The following MAT2A variants were observed in gnomAD, a reference collection of about 807,000 sequenced individuals.
The protein encoded by MAT2A is methionine adenosyltransferase 2A.
In MAT2A, 3 loss-of-function variants were observed where a neutral mutation model predicts 43.9. The observed-to-expected ratio is 0.07, with a 90% confidence interval of 0.03 to 0.18. The LOEUF (loss-of-function observed/expected upper bound fraction) is 0.18, where lower values mean the gene tolerates loss of function less well. Ranked by LOEUF, MAT2A falls within the 10% of genes least tolerant of loss-of-function variation. The pLI, the probability that MAT2A is intolerant of heterozygous loss-of-function variation, is 1.00. For missense variants in MAT2A, 204 were observed against 489.0 expected (o/e 0.42, Z 5.50); for synonymous variants, 200 against 168.4 (o/e 1.19, Z -1.45).
chr2:85,539,952 A>C (rs1018754928), intron 1 of MAT2A: 1 of 152,514 alleles, frequency 6.6e-6, no homozygotes, highest in Admixed American at 6.5e-5. Context: ...TTGACTACAC[A>C]CTGGAGAATA....
In MAT2A at chr2:85,545,175, A is replaced by T. The variant is rs1691596874; in HGVS notation, c.*1403A>T. 6.6e-6 allele frequency: 1 copy of T among 152,652 alleles called. No homozygotes were observed. The highest frequency in any genetic ancestry group is 1.5e-5 in the Non-Finnish European group (1 of 68,036). The allele number at this position is 152,652 out of a possible 1,614,324, so 9.5% of individuals were successfully genotyped here. On this transcript the variant is annotated 3_prime_UTR_variant, in exon 9 of 9. Transcript: ENST00000306434. ...TATTCCATGACTGCTTGCCCTAAGC[A>T]GAAAGTGCCTTTCAGGATCTATTTT...
intron 8 of MAT2A, 77 bp downstream of exon 8, chr2:85,543,111 G>A: frequency 1.4e-6 from 2 of 1,446,012 alleles, no homozygotes; most frequent in Non-Finnish European, 1.9e-6. Flanking sequence ...GGCTGAGGAG[G>A]TGAAGGTGTG....
chr2:85,540,307 T>TATC (rs1309440264), intron 1 of MAT2A, among the ~76,000 whole-genome samples: 1 of 152,188 alleles, frequency 6.6e-6, no homozygotes, highest in Non-Finnish European at 1.5e-5. Flanking sequence ...CCGCAGTAGT[T>TATC]ATCTATCTGG....
chr2:85,542,811 T>C (rs1691512213), intron 7 of MAT2A, 64 bp downstream of exon 7: 3 of 1,522,378 alleles, frequency 2.0e-6, no homozygotes, highest in African/African-American at 2.8e-5. Flanking sequence ...TTAGTAGTAA[T>C]CTACTTAACT....
At chr2:85,540,173 G>T (rs1254203543) in intron 1 of MAT2A, among the ~76,000 whole-genome samples, 1 of 152,204 alleles carries the variant, frequency 6.6e-6, no homozygotes, top group African/African-American at 2.4e-5. Context: ...GCCATTATGG[G>T]GATCAATTGG....
At position 85,542,567 on chromosome 2, in the gene MAT2A, T is replaced by G; in HGVS notation, c.771T>G (p.Gly257=). The change falls in exon 7 of 9, where the codon GGT becomes GGG. Residue 257 remains glycine, a splice_region_variant and synonymous_variant. Coordinates refer to ENST00000306434, the MANE Select transcript of MAT2A (RefSeq NM_005911.6). ...TAACTTAAATCCTGTAATTTCAGGG[T>G]GATGCTGGTTTGACTGGACGCAAAA... ...SGRFVIGGPQ[G]DAGLTGRKII... 1 of 1,613,574 alleles carries G rather than the reference T, an allele frequency of 6.2e-7. No individual in the cohort carries two copies. The highest frequency in any genetic ancestry group is 8.5e-7 in the Non-Finnish European group (1 of 1,179,672).
chr2:85,545,004 C>T lies in MAT2A; in HGVS notation c.*1232C>T, dbSNP rs1282699198. On this transcript the variant is annotated 3_prime_UTR_variant, in exon 9 of 9. Transcript: ENST00000306434. ...ATGTTTCCAGCATTCCCAGGTAGGCCAAGGTGTCCTACAGAAAAACCTTGG... is the reference window on the plus strand; with the variant it reads ...ATGTTTCCAGCATTCCCAGGTAGGCTAAGGTGTCCTACAGAAAAACCTTGG... 1.3e-5 allele frequency: 2 copies of T among 152,262 alleles called. No individual in the cohort carries two copies. The highest frequency in any genetic ancestry group is 2.9e-5 in the Non-Finnish European group (2 of 68,004). 9.4% of individuals were successfully genotyped at this position (152,262 alleles called of 1,614,324 possible).
chr2:85,540,363 A>C (rs1691442301), intron 1 of MAT2A, among the ~76,000 whole-genome samples: 2 of 152,310 alleles, frequency 1.3e-5, no homozygotes, highest in South Asian at 2.1e-4. Flanking sequence ...ATGAAATCCC[A>C]CAAGTAACTT....
chr2:85,541,897 C>G lies in MAT2A; in HGVS notation c.474C>G (p.His158Gln). ...TGCCTTTAACCATTGTCTTGGCACA[C>G]AAGCTAAATGCCAAACTGGCAGAAC... is the stretch of plus-strand genomic sequence containing the variant. ...ECMPLTIVLA[H>Q]KLNAKLAELR... The change falls in exon 5 of 9, where the codon CAC (histidine) becomes CAG (glutamine). Residue 158 changes from histidine to glutamine, a missense_variant. His to Gln is a conservative substitution (Grantham distance 24). Transcript: ENST00000306434. 1 of 1,614,240 alleles carries G rather than the reference C, an allele frequency of 6.2e-7. No homozygotes were observed. The highest frequency in any genetic ancestry group is 8.5e-7 in the Non-Finnish European group (1 of 1,180,018).
At chr2:85,541,456 A>G (rs920475926) in intron 3 of MAT2A, 79 bp downstream of exon 3, 13 of 1,523,072 alleles carry the variant, frequency 8.5e-6, no homozygotes, top group African/African-American at 1.4e-5. Flanking sequence ...TGTTCCTGCT[A>G]ATCCTAAACT....
chr2:85,544,093 GTCATAAT>G lies in MAT2A; in HGVS notation c.*323_*329del, dbSNP rs796159921. On this transcript the variant is annotated 3_prime_UTR_variant, in exon 9 of 9. Transcript: ENST00000306434. Reference sequence around the variant, plus strand: ...GTGCCCTATCACCCAACGCTCCAAAGTCATAATTGCATTGACTTTCCCCACCAGATGC... The same window carrying G: ...GTGCCCTATCACCCAACGCTCCAAAGTGCATTGACTTTCCCCACCAGATGC... 1.1e-4 allele frequency: 20 copies of G among 189,050 alleles called. 1 individual carries two copies. In the South Asian group the frequency reaches 2.6e-3, roughly 24 times the overall value. The allele number at this position is 189,050 out of a possible 1,614,324, so 11.7% of individuals were successfully genotyped here. A position where few individuals can be genotyped will look rare whatever the true frequency, so the allele number is the denominator to read the frequency against.
Position 85,539,337 on chromosome 2 carries a change from C to A in MAT2A, c.50C>A (p.Thr17Lys). The A allele has an allele frequency of 6.2e-7, 1 of 1,606,760 alleles. No individual in the cohort carries two copies. The highest frequency in any genetic ancestry group is 1.1e-5 in the South Asian group (1 of 90,196). The change falls in exon 1 of 9, where the codon ACA becomes AAA. Residue 17 changes from threonine to lysine, a missense_variant. By Grantham distance (78) the Thr-to-Lys change is moderately conservative (BLOSUM62 -1). Transcript: ENST00000306434. ...CACGAGGCGTTCATCGAGGAGGGCACATTCCTTTTCACCTCAGAGTCGGTC... is the reference window on the plus strand; with the variant it reads ...CACGAGGCGTTCATCGAGGAGGGCAAATTCCTTTTCACCTCAGAGTCGGTC... Reference protein sequence around the residue: ...GFHEAFIEEGTFLFTSESVGE... With the variant: ...GFHEAFIEEGKFLFTSESVGE...
chr2:85,541,939 T>G lies in MAT2A; in HGVS notation c.516T>G (p.Thr172=), dbSNP rs1691485410. 1 of 1,614,242 alleles carries G rather than the reference T, an allele frequency of 6.2e-7. No individual in the cohort carries two copies. The highest frequency in any genetic ancestry group is 1.3e-5 in the African/African-American group (1 of 75,078). ...TGGCAGAACTACGCCGTAATGGCAC[T>G]TTGCCTTGGTTACGCCCTGATTCTA... The part of the protein sequence containing the change: ...AKLAELRRNG[T]LPWLRPDSKT... The change falls in exon 5 of 9, where the codon ACT becomes ACG. Residue 172 remains threonine, a synonymous_variant. Transcript: ENST00000306434.
rs200898618 is a variant in MAT2A at position 85,541,072 on chromosome 2, C to G, written c.92-11C>G. 11 of 1,601,138 alleles carry G rather than the reference C, an allele frequency of 6.9e-6. No individual in the cohort carries two copies. In the East Asian group the frequency reaches 2.2e-4, roughly 33 times the overall value. On this transcript the variant is annotated splice_polypyrimidine_tract_variant and intron_variant, in intron 1 of 8. Transcript: ENST00000306434. The stretch of plus-strand genomic sequence containing the variant: ...GTTAAAGAAACTGAGCCAGGAATTT[C>G]TCTTTTCCAGATAAGATTTGTGACC...
chr2:85,543,552 T>C, intron 8 of MAT2A, 118 bp from the exon 9 acceptor site: 1 of 658,706 alleles, frequency 1.5e-6, no homozygotes, highest in Non-Finnish European at 2.6e-6. Flanking sequence ...CACAAATTTT[T>C]TTCCTAGCAT....
intron 1 of MAT2A, 72 bp downstream of exon 1, chr2:85,539,450 G>T: frequency 8.1e-7 from 1 of 1,230,724 alleles, no homozygotes. Context: ...GGCTGCGGCC[G>T]GCCGGTGGTG....
chr2:85,544,599 T>A lies in MAT2A; in HGVS notation c.*827T>A, dbSNP rs1256810184. The A allele has an allele frequency of 1.3e-5, 2 of 152,646 alleles. No individual in the cohort carries two copies. The highest frequency in any genetic ancestry group is 2.9e-5 in the Non-Finnish European group (2 of 68,050). 9.5% of individuals were successfully genotyped at this position (152,646 alleles called of 1,614,324 possible). A position where few individuals can be genotyped will look rare whatever the true frequency, so the allele number is the denominator to read the frequency against. On this transcript the variant is annotated 3_prime_UTR_variant, in exon 9 of 9. Coordinates refer to ENST00000306434, the MANE Select transcript of MAT2A (RefSeq NM_005911.6). ...GGCACTTGGCAGCCTTGTGATGTCA[T>A]ACAGAGAAGTCACAGGGCAGTACCT...
At chr2:85,541,455 T>C in intron 3 of MAT2A, 78 bp downstream of exon 3, 3 of 1,538,594 alleles carry the variant, frequency 1.9e-6, no homozygotes, top group Non-Finnish European at 2.7e-6. Context: ...ATGTTCCTGC[T>C]AATCCTAAAC....
Position 85,540,196 on chromosome 2 carries a change from G to A in MAT2A, c.91+818G>A, listed in dbSNP as rs140183857. Among the ~76,000 whole-genome samples the A allele has an allele frequency of 2.6e-5, 4 of 152,350 alleles. No homozygotes were observed. In the East Asian group the frequency reaches 7.7e-4, roughly 29 times the overall value. On this transcript the variant is annotated intron_variant, in intron 1 of 8. Transcript: ENST00000306434. ...GGGGATCAATTGGCACGTGAAGGAG[G>A]AGTAAAGCTATATTTCCAGGAACTG...
Sources: allele counts gnomAD v4.1 joint callset (sites outside exome capture counted in the v4.1 genomes callset), GRCh38; gene constraint gnomAD v4.1.1; transcripts MANE v1.5; gene names NCBI Gene and HGNC (gene_info 2026-07-23, HGNC 2026-07-21).